The following WNT6 variants were observed in gnomAD, a reference collection of about 807,000 sequenced individuals.
WNT6 encodes protein Wnt-6.
Under a neutral mutation model 33.1 loss-of-function variants are expected in WNT6, and 27 were observed. The observed-to-expected ratio is 0.82, with a 90% confidence interval of 0.60 to 1.12. The LOEUF (loss-of-function observed/expected upper bound fraction) is 1.12. WNT6 is among the 50% of genes most tolerant of loss of function. WNT6 has a pLI of 0.00. For missense variants in WNT6, 494 were observed against 535.3 expected (o/e 0.92, Z 0.76); for synonymous variants, 249 against 242.8 (o/e 1.03, Z -0.24).
At position 218,871,155 on chromosome 2, in the gene WNT6, G is replaced by A. The variant is rs769072287; in HGVS notation, c.209G>A (p.Arg70Gln). ...GTGGCAGAGCTAGCTCGGGGCGCCC[G>A]GCTCGGGGTGCGAGAGTGCCAGTTC... ...EVVAELARGARLGVRECQFQF... is the reference protein window; with the variant it reads ...EVVAELARGAQLGVRECQFQF... Residue 70 changes from arginine to glutamine, a missense_variant, in exon 2 of 4, where the codon CGG becomes CAG. By Grantham distance (43) the Arg-to-Gln change is conservative (BLOSUM62 1). Coordinates refer to ENST00000233948, the MANE Select transcript of WNT6 (RefSeq NM_006522.4). The surrounding 1 kb of genome is among the most constrained non-coding windows in gnomAD (Gnocchi z 6.4). 16 of 1,613,662 alleles carry A rather than the reference G, an allele frequency of 9.9e-6. No homozygotes were observed. The highest frequency in any genetic ancestry group is 8.3e-5 in the Admixed American group (5 of 60,004).
Position 218,867,797 on chromosome 2 carries a change from G to T in WNT6, c.81-3230G>T, listed in dbSNP as rs116736762. Among the ~76,000 whole-genome samples, 1,317 of 152,332 alleles carry T rather than the reference G, an allele frequency of 8.6e-3. 9 individuals carry two copies. Among genetic ancestry groups the T allele is most frequent in the Non-Finnish European group, 0.014 (941 of 68,026 alleles). ...CCTAAGGAAGCATAAAGCGAGGAAGGTGAAAGGTGAGTGGGGATGGGGGAG... is the reference window on the plus strand; with the variant it reads ...CCTAAGGAAGCATAAAGCGAGGAAGTTGAAAGGTGAGTGGGGATGGGGGAG... On this transcript the variant is annotated intron_variant, in intron 1 of 3. Transcript: ENST00000233948. This position sits in a 1 kb window ranked among gnomAD's most constrained non-coding sequence, Gnocchi z 4.9.
At chr2:218,863,603 C>T (rs1331450658) in intron 1 of WNT6, among the ~76,000 whole-genome samples, 2 of 152,218 alleles carry the variant, frequency 1.3e-5, no homozygotes, top group Non-Finnish European at 2.9e-5. Context: ...AATCCCACCA[C>T]TTTGGAAGGC....
At chr2:218,870,479 C>T (rs1944390780) in intron 1 of WNT6, among the ~76,000 whole-genome samples, 2 of 152,300 alleles carry the variant, frequency 1.3e-5, no homozygotes, top group Middle Eastern at 3.4e-3. Context: ...ATTCCCTAGC[C>T]GTTCCAACAT....
At chr2:218,869,185 C>T (rs955139043) in intron 1 of WNT6, among the ~76,000 whole-genome samples, 64 of 151,918 alleles carry the variant, frequency 4.2e-4, no homozygotes, top group Middle Eastern at 3.4e-3. Flanking sequence ...TACTTGGGTA[C>T]GGATGACGGC....
Position 218,874,032 on chromosome 2 carries a change from G to A in WNT6, c.*187G>A. 1.5e-6 allele frequency: 1 copy of A among 675,158 alleles called. No homozygotes were observed. Among genetic ancestry groups the A allele is most frequent in the Non-Finnish European group, 2.3e-6 (1 of 437,764 alleles). 41.8% of individuals were successfully genotyped at this position (675,158 alleles called of 1,614,324 possible). On this transcript the variant is annotated 3_prime_UTR_variant, in exon 4 of 4. Transcript: ENST00000233948. ...GAACGCCCACCCACGAAGGCCCAGG[G>A]CGCCAGACGGCCCCGAAAAGGCGCT...
chr2:218,860,361 C>T (rs1160933435), intron 1 of WNT6, among the ~76,000 whole-genome samples: 1 of 152,186 alleles, frequency 6.6e-6, no homozygotes, highest in Non-Finnish European at 1.5e-5. Flanking sequence ...ACCCAGCTCA[C>T]CAAGGAACAG....
At chr2:218,863,720 G>A (rs1345358756) in intron 1 of WNT6, among the ~76,000 whole-genome samples, 2 of 152,090 alleles carry the variant, frequency 1.3e-5, no homozygotes, top group Admixed American at 1.3e-4. Flanking sequence ...GTGGTGGCAG[G>A]TGCCTGTAAT....
chr2:218,866,191 T>TC (rs1385005154), intron 1 of WNT6, among the ~76,000 whole-genome samples: 1 of 151,930 alleles, frequency 6.6e-6, no homozygotes, highest in Non-Finnish European at 1.5e-5. Context: ...GGCTCAGGGC[T>TC]CCCTCTGCTG....
rs1166016136 is a variant in WNT6 at position 218,874,105 on chromosome 2, T to C, written c.*260T>C. Reference sequence around the variant, plus strand: ...GTACAGGCCCTCCCTCCCCTTGGCCTCTAGGAGGAAACAGTTTTTTAGACT... The same window carrying C: ...GTACAGGCCCTCCCTCCCCTTGGCCCCTAGGAGGAAACAGTTTTTTAGACT... On this transcript the variant is annotated 3_prime_UTR_variant, in exon 4 of 4. Coordinates refer to ENST00000233948, the MANE Select transcript of WNT6 (RefSeq NM_006522.4). The C allele has an allele frequency of 2.2e-6, 1 of 446,944 alleles. No homozygotes were observed. The highest frequency in any genetic ancestry group is 3.6e-5 in the East Asian group (1 of 28,030). 27.7% of individuals were successfully genotyped at this position (446,944 alleles called of 1,614,324 possible). A position where few individuals can be genotyped will look rare whatever the true frequency, so the allele number is the denominator to read the frequency against.
chr2:218,874,040 C>G lies in WNT6; in HGVS notation c.*195C>G, dbSNP rs907237553. On this transcript the variant is annotated 3_prime_UTR_variant, in exon 4 of 4. Transcript: ENST00000233948. ...ACCCACGAAGGCCCAGGGCGCCAGA[C>G]GGCCCCGAAAAGGCGCTCGGGGAGC... 3.1e-6 allele frequency: 2 copies of G among 648,566 alleles called. No homozygotes were observed. 40.2% of individuals were successfully genotyped at this position (648,566 alleles called of 1,614,324 possible).
intron 1 of WNT6, among the ~76,000 whole-genome samples, chr2:218,865,953 G>A (rs1944350908): frequency 6.6e-6 from 1 of 151,286 alleles, no homozygotes; most frequent in Non-Finnish European, 1.5e-5. Context: ...CAGTGGGGAG[G>A]CAGGGGTTAA....
intron 1 of WNT6, among the ~76,000 whole-genome samples, chr2:218,865,344 G>T (rs190285353): frequency 6.6e-6 from 1 of 152,202 alleles, no homozygotes; most frequent in African/African-American, 2.4e-5. Context: ...GCACTCCCTC[G>T]GGTGCTTCTC....
At chr2:218,861,129 C>T (rs937898432) in intron 1 of WNT6, among the ~76,000 whole-genome samples, 2 of 152,194 alleles carry the variant, frequency 1.3e-5, no homozygotes, top group Non-Finnish European at 2.9e-5. Flanking sequence ...CTCCGCTCCT[C>T]CCTCGCCCCC....
Position 218,874,180 on chromosome 2 carries a change from C to A in WNT6, c.*335C>A. On this transcript the variant is annotated 3_prime_UTR_variant, in exon 4 of 4. Coordinates refer to ENST00000233948, the MANE Select transcript of WNT6 (RefSeq NM_006522.4). The stretch of plus-strand genomic sequence containing the variant: ...CTGGATACTGGGCTCCCCAGAACTG[C>A]TGGCCACAGGATGGTGGGTGAGGTT... 3.1e-6 allele frequency: 1 copy of A among 322,372 alleles called. No individual in the cohort carries two copies. Among genetic ancestry groups the A allele is most frequent in the Non-Finnish European group, 5.6e-6 (1 of 179,946 alleles). The allele number at this position is 322,372 out of a possible 1,614,324, so 20.0% of individuals were successfully genotyped here. A position where few individuals can be genotyped will look rare whatever the true frequency, so the allele number is the denominator to read the frequency against.
Position 218,871,926 on chromosome 2 carries a change from GCGTTAATGTGT to G in WNT6, c.636+108_636+118del. On this transcript the variant is annotated intron_variant, in intron 3 of 3. Coordinates refer to ENST00000233948, the MANE Select transcript of WNT6 (RefSeq NM_006522.4). This position sits in a 1 kb window ranked among gnomAD's most constrained non-coding sequence, Gnocchi z 6.4. ...AGTGAGGGTGTGTAGGTGGAGGGGG[GCGTTAATGTGT>G]GGGGGAGTGCGCACGGGCGGAAAGA... 2.4e-6 allele frequency: 1 copy of G among 419,432 alleles called. No homozygotes were observed. The highest frequency in any genetic ancestry group is 3.7e-6 in the Non-Finnish European group (1 of 266,824). The allele number at this position is 419,432 out of a possible 1,614,324, so 26.0% of individuals were successfully genotyped here. A position where few individuals can be genotyped will look rare whatever the true frequency, so the allele number is the denominator to read the frequency against.
chr2:218,863,267 G>T (rs1403684769), intron 1 of WNT6, among the ~76,000 whole-genome samples: 1 of 152,158 alleles, frequency 6.6e-6, no homozygotes, highest in Non-Finnish European at 1.5e-5. Flanking sequence ...GCTTTCCCTG[G>T]CCTTCTTCTC....
chr2:218,871,212 G>A lies in WNT6; in HGVS notation c.266G>A (p.Ser89Asn). 1 of 1,613,532 alleles carries A rather than the reference G, an allele frequency of 6.2e-7. No individual in the cohort carries two copies. The highest frequency in any genetic ancestry group is 8.5e-7 in the Non-Finnish European group (1 of 1,179,794). ...QFRFRRWNCS[S>N]HSKAFGRILQ... is the part of the protein sequence containing the mutation. ...CGCTTCCGCCGCTGGAATTGCTCCA[G>A]CCACAGCAAGGCCTTTGGACGCATC... Residue 89 changes from serine (S) to asparagine (N), a missense_variant, in exon 2 of 4, where the codon AGC becomes AAC. Ser to Asn is a conservative substitution (Grantham distance 46). Transcript: ENST00000233948. The surrounding 1 kb of genome is among the most constrained non-coding windows in gnomAD (Gnocchi z 6.4).
rs1413653916 is a variant in WNT6 at position 218,871,275 on chromosome 2, G to A, written c.301+28G>A. On this transcript the variant is annotated intron_variant, in intron 2 of 3. Transcript: ENST00000233948. This position sits in a 1 kb window ranked among gnomAD's most constrained non-coding sequence, Gnocchi z 6.4. ...CAGTGTGGGGAGGGGGCGGAAGTGG[G>A]GCTGCTTTCTCCCTGCTGTGGGACC... 1.9e-6 allele frequency: 3 copies of A among 1,586,122 alleles called. No individual in the cohort carries two copies. The highest frequency in any genetic ancestry group is 2.6e-6 in the Non-Finnish European group (3 of 1,162,476).
chr2:218,860,334 C>T (rs1341155513), intron 1 of WNT6, among the ~76,000 whole-genome samples: 1 of 152,212 alleles, frequency 6.6e-6, no homozygotes, highest in African/African-American at 2.4e-5. Flanking sequence ...TCCCACCCCC[C>T]GCCAAGTTAT....
Sources: gnomAD v4.1 joint callset for allele counts (sites outside exome capture counted in the v4.1 genomes callset) on GRCh38, gnomAD v4.1.1 for gene constraint, Gnocchi (gnomAD v3.1) non-coding constraint, MANE v1.5 for transcripts, NCBI Gene and HGNC (gene_info 2026-07-23, HGNC 2026-07-21) for gene names.